Variants in NOX3 observed in about 807,000 individuals in gnomAD.
NOX3 encodes the protein NADPH oxidase catalytic subunit-like 3.
NOX3 carries 74 observed loss-of-function variants against 76.7 expected under a neutral mutation model. That is an observed-to-expected ratio of 0.96 (90% CI 0.80 to 1.17). The LOEUF (loss-of-function observed/expected upper bound fraction) is 1.17, where lower values mean the gene tolerates loss of function less well. NOX3 is among the 50% of genes most tolerant of loss of function. NOX3 has a pLI of 0.00. For synonymous variants in NOX3, 263 were observed against 261.1 expected (o/e 1.01, Z -0.07); for missense variants, 695 against 703.3 (o/e 0.99, Z 0.13).
intron 9 of NOX3, among the ~76,000 whole-genome samples, chr6:155,423,929 G>A (rs1043112957): frequency 3.3e-5 from 5 of 151,932 alleles, no homozygotes; most frequent in African/African-American, 4.8e-5. Flanking sequence ...TTTTCATAGA[G>A]ACGAGGTTTG....
At chr6:155,404,467 A>C (rs1257924838) in intron 12 of NOX3, among the ~76,000 whole-genome samples, 1 of 152,220 alleles carries the variant, frequency 6.6e-6, no homozygotes, top group Non-Finnish European at 1.5e-5. Flanking sequence ...GGCAAGAAGC[A>C]AAATGGAGCA....
chr6:155,414,057 CT>C (rs1776591611), intron 10 of NOX3, among the ~76,000 whole-genome samples: 1 of 152,148 alleles, frequency 6.6e-6, no homozygotes, highest in African/African-American at 2.4e-5. Context: ...ATACTTTTTG[CT>C]TCCTCGTAAT....
chr6:155,416,333 T>A (rs1776620976), intron 10 of NOX3, among the ~76,000 whole-genome samples: 1 of 152,222 alleles, frequency 6.6e-6, no homozygotes, highest in South Asian at 2.1e-4. Flanking sequence ...AGATAAAGAC[T>A]GGTGTTTAGA....
chr6:155,453,717 T>A lies in NOX3; in HGVS notation c.256-229A>T, dbSNP rs561805168. The stretch of plus-strand genomic sequence containing the variant: ...GACTTATTAGTTCTCTGTTTATAAT[T>A]CAAAACTCTTGAATAAGCCTGCCAA... On this transcript the variant is annotated intron_variant, in intron 3 of 13. Transcript: ENST00000159060. 3.9e-5 allele frequency among the ~76,000 whole-genome samples: 6 copies of A among 152,356 alleles called. No individual in the cohort carries two copies. The South Asian group carries it at 1.2e-3, about 32-fold the overall frequency.
intron 12 of NOX3, among the ~76,000 whole-genome samples, chr6:155,406,294 T>A (rs1386661105): frequency 2.0e-5 from 3 of 151,958 alleles, no homozygotes; most frequent in Non-Finnish European, 2.9e-5. Context: ...GATATTATCA[T>A]CCATATTTTT....
chr6:155,411,437 A>G (rs1776550611), intron 10 of NOX3, 77 bp from the exon 11 acceptor site: 27 of 1,375,350 alleles, frequency 2.0e-5, no homozygotes, highest in Non-Finnish European at 2.6e-5. Flanking sequence ...CTTTATCTCC[A>G]TTAAATTATT....
At chr6:155,455,677 C>T (rs532398697) in intron 1 of NOX3, 76 bp downstream of exon 1, 7 of 1,153,058 alleles carry the variant, frequency 6.1e-6, no homozygotes, top group Non-Finnish European at 9.1e-6. Flanking sequence ...ATTTAGCGTT[C>T]CTATACAAGT....
chr6:155,416,120 C>T (rs1776618777), intron 10 of NOX3, among the ~76,000 whole-genome samples: 1 of 152,204 alleles, frequency 6.6e-6, no homozygotes, highest in African/African-American at 2.4e-5. Context: ...AGCCAGGGGC[C>T]CACCTTGACC....
intron 12 of NOX3, among the ~76,000 whole-genome samples, chr6:155,403,250 A>G (rs1779258485): frequency 6.6e-6 from 1 of 152,242 alleles, no homozygotes; most frequent in South Asian, 2.1e-4. Context: ...AGCAGAAAAC[A>G]AAATTATTTT....
intron 4 of NOX3, among the ~76,000 whole-genome samples, chr6:155,445,996 T>TATATGCTATATATATATATATATATAA (rs1554264831): frequency 1.1e-4 from 15 of 134,376 alleles, no homozygotes; most frequent in Admixed American, 1.5e-4. Flanking sequence ...TATATATATA[T>TATATGCTATATATATATATATATATAA]AATATATATA....
chr6:155,417,122 A>G lies in NOX3; in HGVS notation c.1308+5572T>C, dbSNP rs550466459. Among the ~76,000 whole-genome samples, 13 of 152,250 alleles carry G rather than the reference A, an allele frequency of 8.5e-5. No individual in the cohort carries two copies. In the South Asian group the frequency reaches 2.7e-3, roughly 32 times the overall value. Reference sequence around the variant, plus strand: ...CCACACTATGGAATACTCTAAAGACACCAAACAAAATGAAATAGATCATCA... The same window carrying G: ...CCACACTATGGAATACTCTAAAGACGCCAAACAAAATGAAATAGATCATCA... On this transcript the variant is annotated intron_variant, in intron 10 of 13. Coordinates refer to ENST00000159060, the MANE Select transcript of NOX3 (RefSeq NM_015718.3).
At chr6:155,403,041 C>G (rs778493941) in intron 12 of NOX3, among the ~76,000 whole-genome samples, 3 of 152,094 alleles carry the variant, frequency 2.0e-5, no homozygotes, top group Non-Finnish European at 4.4e-5. Context: ...ATAACCATCC[C>G]GAGGAAAATT....
rs142029611 is a variant in NOX3, at chr6:155,447,150, A to G, written c.341-3732T>C. On this transcript the variant is annotated intron_variant, in intron 4 of 13. Transcript: ENST00000159060. The stretch of plus-strand genomic sequence containing the variant: ...AAACTCTGCCTCTCGGGTTCAAGCA[A>G]TTCTTCTGCCTCAGCCTCTAAGTAG... Among the ~76,000 whole-genome samples the G allele has an allele frequency of 2.9e-4, 44 of 151,902 alleles. 1 individual carries two copies. Among genetic ancestry groups the G allele is most frequent in the South Asian group, 1.5e-3 (7 of 4,808 alleles).
chr6:155,396,914 T>G lies in NOX3; in HGVS notation c.1629A>C (p.Thr543=), dbSNP rs781475835. Residue 543 remains threonine, a synonymous_variant, in exon 13 of 14, where the codon ACA becomes ACC. Transcript: ENST00000159060. The part of the protein sequence containing the change: ...FFCGPKALSR[T]LQKMCHLYSS... ...AATACAAGTGGCACATCTTTTGAAGTGTCCTCGAGAGAGCTTTAGGTCCAC... is the reference window on the plus strand; with the variant it reads ...AATACAAGTGGCACATCTTTTGAAGGGTCCTCGAGAGAGCTTTAGGTCCAC... 2 of 1,613,532 alleles carry G rather than the reference T, an allele frequency of 1.2e-6. No individual in the cohort carries two copies. Among genetic ancestry groups the G allele is most frequent in the South Asian group, 2.2e-5 (2 of 91,070 alleles).
rs186595374 is a variant in NOX3, at chr6:155,411,374, A to G, written c.1309-14T>C. ...GTAGAAATACACCTGTCAAGAGAGA[A>G]GGCAAGTGAACGGATCTATTCTCTT... On this transcript the variant is annotated splice_polypyrimidine_tract_variant and intron_variant, in intron 10 of 13. Coordinates refer to ENST00000159060, the MANE Select transcript of NOX3 (RefSeq NM_015718.3). 6.2e-7 allele frequency: 1 copy of G among 1,611,056 alleles called. No individual in the cohort carries two copies. The highest frequency in any genetic ancestry group is 1.7e-5 in the Admixed American group (1 of 59,538).
intron 7 of NOX3, among the ~76,000 whole-genome samples, chr6:155,434,724 A>G (rs994872956): frequency 3.3e-5 from 5 of 152,174 alleles, no homozygotes; most frequent in African/African-American, 1.2e-4. Context: ...CATTTTGGTG[A>G]TGTCAAATCA....
chr6:155,396,820 A>G lies in NOX3; in HGVS notation c.*16T>C. 6.2e-7 allele frequency: 1 copy of G among 1,604,986 alleles called. No homozygotes were observed. The highest frequency in any genetic ancestry group is 8.5e-7 in the Non-Finnish European group (1 of 1,175,294). On this transcript the variant is annotated 3_prime_UTR_variant, in exon 13 of 14. Coordinates refer to ENST00000159060, the MANE Select transcript of NOX3 (RefSeq NM_015718.3). ...TTGCAGCCACTTACACAATGCCTGG[A>G]CTTGACCTCCAAAGTCTAGAAGCTC...
intron 8 of NOX3, among the ~76,000 whole-genome samples, chr6:155,430,215 C>T (rs1457626253): frequency 1.3e-5 from 2 of 152,008 alleles, no homozygotes; most frequent in African/African-American, 2.4e-5. Flanking sequence ...TTTTTTTGGT[C>T]TTGGTCTACC....
intron 7 of NOX3, among the ~76,000 whole-genome samples, chr6:155,432,839 A>G (rs994279343): frequency 2.6e-5 from 4 of 152,210 alleles, no homozygotes; most frequent in African/African-American, 9.7e-5. Context: ...AGATGAACAG[A>G]GTAAGGGAAA....
Sources: allele counts gnomAD v4.1 joint callset (sites outside exome capture counted in the v4.1 genomes callset), GRCh38; gene constraint gnomAD v4.1.1; transcripts MANE v1.5; gene names NCBI Gene and HGNC (gene_info 2026-07-23, HGNC 2026-07-21).